Variants in SYNGR1 observed in about 807,000 individuals in gnomAD.
SYNGR1 encodes synaptogyrin 1, also known as synaptogyrin-1.
In SYNGR1, 14 loss-of-function variants were observed where a neutral mutation model predicts 26.1. That is an observed-to-expected ratio of 0.54 (90% CI 0.35 to 0.84). The LOEUF (loss-of-function observed/expected upper bound fraction) is 0.84, where lower values mean the gene tolerates loss of function less well. SYNGR1 is among the 40% of genes least tolerant of loss of function. The pLI is 0.01. For synonymous variants in SYNGR1, 141 were observed against 150.1 expected, an observed-to-expected ratio of 0.94 and a Z score of 0.44; for missense variants, 319 against 332.9, an observed-to-expected ratio of 0.96 and a Z score of 0.33.
Position 39,384,793 on chromosome 22 carries a change from A to C in SYNGR1, c.*2879A>C. On this transcript the variant is annotated 3_prime_UTR_variant, in exon 4 of 4. Coordinates refer to ENST00000328933, the MANE Select transcript of SYNGR1 (RefSeq NM_004711.5). ...GAGGGCCCAGGAAAAAAGGTTTCACATAAGTGTAGAGTCGCAAGGACGCTT... is the reference window on the plus strand; with the variant it reads ...GAGGGCCCAGGAAAAAAGGTTTCACCTAAGTGTAGAGTCGCAAGGACGCTT... 2.5e-6 allele frequency: 1 copy of C among 399,126 alleles called. No individual in the cohort carries two copies. The highest frequency in any genetic ancestry group is 4.4e-6 in the Non-Finnish European group (1 of 226,088). The allele number at this position is 399,126 out of a possible 1,614,324, so 24.7% of individuals were successfully genotyped here. A position where few individuals can be genotyped will look rare whatever the true frequency, so the allele number is the denominator to read the frequency against.
At chr22:39,363,266 T>C (rs1326046585) in intron 1 of SYNGR1, among the ~76,000 whole-genome samples, 2 of 150,558 alleles carry the variant, frequency 1.3e-5, no homozygotes, top group East Asian at 3.9e-4. Flanking sequence ...TGGGTGAGCA[T>C]CAATCCAAGA....
chr22:39,357,156 C>G (rs1358117671), intron 1 of SYNGR1, among the ~76,000 whole-genome samples: 2 of 152,076 alleles, frequency 1.3e-5, no homozygotes, highest in Non-Finnish European at 2.9e-5. Context: ...ATCCCAGCTA[C>G]TCCAGAGGCT....
At chr22:39,356,027 GAAAA>G (rs1041782049) in intron 1 of SYNGR1, among the ~76,000 whole-genome samples, 3 of 152,070 alleles carry the variant, frequency 2.0e-5, no homozygotes, top group Non-Finnish European at 4.4e-5. Flanking sequence ...TTCAAAAAAA[GAAAA>G]GAAAAAGAAA....
In SYNGR1 at chr22:39,383,483, G is replaced by A. The variant is rs537018793; in HGVS notation, c.*1569G>A. The A allele has an allele frequency of 6.6e-6, 1 of 152,650 alleles. No homozygotes were observed. The highest frequency in any genetic ancestry group is 1.9e-4 in the East Asian group (1 of 5,288). 9.5% of individuals were successfully genotyped at this position (152,650 alleles called of 1,614,324 possible). On this transcript the variant is annotated 3_prime_UTR_variant, in exon 4 of 4. Coordinates refer to ENST00000328933, the MANE Select transcript of SYNGR1 (RefSeq NM_004711.5). ...TTGCACAAGGTGGGCTCTTCACTGAGCCATAAGGGACAGGGAGGTATGGGA... is the reference window on the plus strand; with the variant it reads ...TTGCACAAGGTGGGCTCTTCACTGAACCATAAGGGACAGGGAGGTATGGGA...
intron 3 of SYNGR1, among the ~76,000 whole-genome samples, chr22:39,381,147 C>G (rs779079345): frequency 6.6e-6 from 1 of 152,294 alleles, no homozygotes; most frequent in Admixed American, 6.5e-5. Context: ...AGACTTGGCT[C>G]ATGGTCTTTG....
At chr22:39,358,521 A>G (rs1924291421) in intron 1 of SYNGR1, among the ~76,000 whole-genome samples, 2 of 151,964 alleles carry the variant, frequency 1.3e-5, no homozygotes, top group African/African-American at 4.8e-5. Context: ...TTCATTCCTG[A>G]AGCCAGCGAG....
chr22:39,364,936 C>T (rs545680103), intron 1 of SYNGR1, among the ~76,000 whole-genome samples: 17 of 152,194 alleles, frequency 1.1e-4, no homozygotes, highest in African/African-American at 1.7e-4. Flanking sequence ...AAAAAAGACT[C>T]GGGATTGGAT....
At chr22:39,372,330 A>T (rs1925063376) in intron 1 of SYNGR1, among the ~76,000 whole-genome samples, 3 of 147,966 alleles carry the variant, frequency 2.0e-5, no homozygotes, top group Admixed American at 2.0e-4. Context: ...ACAGGATTTC[A>T]CCATGTTAAC....
At chr22:39,357,615 G>A (rs532714914) in intron 1 of SYNGR1, among the ~76,000 whole-genome samples, 4 of 146,786 alleles carry the variant, frequency 2.7e-5, no homozygotes, top group East Asian at 4.3e-4. Context: ...TGGGCTTGGC[G>A]GGCCCCGCCC....
chr22:39,352,175 G>T (rs58119113), intron 1 of SYNGR1, among the ~76,000 whole-genome samples: 4,832 of 152,230 alleles, frequency 0.032, 259 homozygotes, highest in African/African-American at 0.11. Context: ...CAGAATCCTG[G>T]AATGTCAGGA....
rs575642584 is a variant in SYNGR1 at position 39,356,520 on chromosome 22, G to A, written c.99+6411G>A. 3.9e-4 allele frequency among the ~76,000 whole-genome samples: 59 copies of A among 152,336 alleles called. 1 individual carries two copies. The highest frequency in any genetic ancestry group is 1.4e-3 in the Admixed American group (22 of 15,298). ...CAGCCATGTGGGGAGTCCCACATGA[G>A]CAGCGTGTGCAAAGCTGTTGGGCGG... On this transcript the variant is annotated intron_variant, in intron 1 of 3. Transcript: ENST00000328933.
chr22:39,373,563 A>G (rs1461784813), intron 1 of SYNGR1, among the ~76,000 whole-genome samples: 2 of 151,536 alleles, frequency 1.3e-5, no homozygotes, highest in Non-Finnish European at 2.9e-5. Flanking sequence ...GTTCACTACA[A>G]CCTCCACCTC....
intron 3 of SYNGR1, among the ~76,000 whole-genome samples, chr22:39,378,638 A>C (rs1057147748): frequency 6.6e-5 from 10 of 152,182 alleles, no homozygotes; most frequent in African/African-American, 2.4e-4. Flanking sequence ...CGAGGGCCTG[A>C]GCACATCGAG....
Position 39,374,379 on chromosome 22 carries a change from G to A in SYNGR1, c.163G>A (p.Gly55Arg). ...GGGCTACCTCAACAGCGCCTCCGAG[G>A]GGGAGGAGTTCTGCATCTACAACCG... ...NEGYLNSASE[G>R]EEFCIYNRNP... Residue 55 changes from glycine (G) to arginine (R), a missense_variant, in exon 2 of 4, where the codon GGG becomes AGG. Physicochemically the swap from Gly to Arg is moderately radical, Grantham distance 125. Coordinates refer to ENST00000328933, the MANE Select transcript of SYNGR1 (RefSeq NM_004711.5). 1 of 1,614,080 alleles carries A rather than the reference G, an allele frequency of 6.2e-7. No homozygotes were observed. Among genetic ancestry groups the A allele is most frequent in the Non-Finnish European group, 8.5e-7 (1 of 1,180,018 alleles).
chr22:39,360,985 C>T (rs1310683397), intron 1 of SYNGR1, among the ~76,000 whole-genome samples: 3 of 152,182 alleles, frequency 2.0e-5, no homozygotes, highest in African/African-American at 4.8e-5. Flanking sequence ...ATGGACGTGG[C>T]GGGAACTGCA....
intron 1 of SYNGR1, among the ~76,000 whole-genome samples, chr22:39,361,113 TCCC>T (rs776467908): frequency 2.0e-5 from 3 of 152,156 alleles, no homozygotes; most frequent in Non-Finnish European, 4.4e-5. Flanking sequence ...TGCGCTCCCC[TCCC>T]TGCTTCCCTT....
intron 3 of SYNGR1, chr22:39,377,633 G>A (rs1925346742): frequency 1.9e-6 from 3 of 1,614,032 alleles, no homozygotes. Context: ...GGAGATTCAA[G>A]GACCTAAGCT....
intron 3 of SYNGR1, chr22:39,377,658 A>AGCACAC: frequency 6.2e-7 from 1 of 1,613,974 alleles, no homozygotes; most frequent in Non-Finnish European, 8.5e-7. Context: ...GGAGGAGTAC[A>AGCACAC]GCACACTGTT....
At chr22:39,357,943 G>C (rs575262777) in intron 1 of SYNGR1, among the ~76,000 whole-genome samples, 1 of 152,356 alleles carries the variant, frequency 6.6e-6, no homozygotes, top group Non-Finnish European at 1.5e-5. Flanking sequence ...CCTGCTCCAC[G>C]GCGCCTAGTC....
Sources: allele counts gnomAD v4.1 joint callset (sites outside exome capture counted in the v4.1 genomes callset), GRCh38; gene constraint gnomAD v4.1.1; transcripts MANE v1.5; gene names NCBI Gene and HGNC (gene_info 2026-07-23, HGNC 2026-07-21).